The following RORA variants were observed in gnomAD, a reference collection of about 807,000 sequenced individuals.
RORA encodes RAR related orphan receptor A.
Under a neutral mutation model 69.5 loss-of-function variants are expected in RORA, and 7 were observed. That is an observed-to-expected ratio of 0.10 (90% CI 0.06 to 0.19). The LOEUF (loss-of-function observed/expected upper bound fraction) is 0.19. Ranked by LOEUF, RORA falls within the 10% of genes least tolerant of loss-of-function variation. RORA has a pLI of 1.00. For synonymous variants in RORA, 261 were observed against 240.8 expected, an observed-to-expected ratio of 1.08 and a Z score of -0.78; for missense variants, 457 against 663.0, an observed-to-expected ratio of 0.69 and a Z score of 3.41.
chr15:60,669,348 TTTG>T (rs1596111512), intron 2 of RORA, among the ~76,000 whole-genome samples: 4 of 145,712 alleles, frequency 2.7e-5, no homozygotes, highest in East Asian at 4.0e-4. Context: ...TTTTTGTTTG[TTTG>T]TTTGTTTGTT....
At chr15:60,634,323 C>T (rs2028123) in intron 2 of RORA, among the ~76,000 whole-genome samples, 1 of 152,144 alleles carries the variant, frequency 6.6e-6, no homozygotes, top group Non-Finnish European at 1.5e-5. Flanking sequence ...TGTCCAGCCT[C>T]TCTCAGTGAC....
At chr15:60,646,401 G>T (rs1459031371) in intron 2 of RORA, among the ~76,000 whole-genome samples, 5 of 152,096 alleles carry the variant, frequency 3.3e-5, no homozygotes, top group Admixed American at 2.0e-4. Flanking sequence ...CTCTATTACA[G>T]CCTGTATCAC....
rs1249813489 is a variant in RORA, at chr15:60,752,055, T to C, written c.167-73369A>G. 2.6e-5 allele frequency among the ~76,000 whole-genome samples: 4 copies of C among 151,842 alleles called. No individual in the cohort carries two copies. The East Asian group carries it at 7.8e-4, about 29-fold the overall frequency. ...CCATCAATAAGGAGGTGGAGAAGGA[T>C]CATCCGAGCTAGGCTGAGTCTTCTT... On this transcript the variant is annotated intron_variant, in intron 1 of 10. Coordinates refer to ENST00000335670, the MANE Select transcript of RORA (RefSeq NM_134261.3).
chr15:60,772,736 A>C (rs1057301414), intron 1 of RORA, among the ~76,000 whole-genome samples: 2 of 152,186 alleles, frequency 1.3e-5, no homozygotes, highest in Non-Finnish European at 1.5e-5. Flanking sequence ...GGGCCGTCCT[A>C]GCCCAGACTG....
intron 1 of RORA, among the ~76,000 whole-genome samples, chr15:61,158,179 T>C (rs2079462333): frequency 6.6e-6 from 1 of 152,180 alleles, no homozygotes; most frequent in Non-Finnish European, 1.5e-5. Flanking sequence ...GATGAGCAAT[T>C]CCATCCTGAC....
chr15:60,561,617 G>A (rs2067563115), intron 2 of RORA, among the ~76,000 whole-genome samples: 2 of 152,074 alleles, frequency 1.3e-5, no homozygotes, highest in Non-Finnish European at 2.9e-5. Context: ...CTTCCATAAT[G>A]TAATAGATTC....
chr15:61,067,003 C>G (rs1490956953), intron 1 of RORA, among the ~76,000 whole-genome samples: 2 of 151,822 alleles, frequency 1.3e-5, no homozygotes, highest in Admixed American at 1.3e-4. Context: ...TGGCTGTAAC[C>G]CTGATTTCAA....
At chr15:60,667,760 T>TA (rs1567148036) in intron 2 of RORA, among the ~76,000 whole-genome samples, 1 of 151,974 alleles carries the variant, frequency 6.6e-6, no homozygotes, top group Non-Finnish European at 1.5e-5. Context: ...GCTGGGACTA[T>TA]AGGCATGCAC....
intron 1 of RORA, among the ~76,000 whole-genome samples, chr15:60,910,463 A>T (rs1465900577): frequency 6.6e-6 from 1 of 152,238 alleles, no homozygotes; most frequent in East Asian, 1.9e-4. Flanking sequence ...AGATCAAGTA[A>T]ATAGAGTAGA....
At chr15:61,040,705 C>A (rs1311632902) in intron 1 of RORA, among the ~76,000 whole-genome samples, 1 of 152,034 alleles carries the variant, frequency 6.6e-6, no homozygotes, top group Non-Finnish European at 1.5e-5. Flanking sequence ...TAAAAATATT[C>A]ATCGAATAAA....
chr15:61,179,927 A>G, intron 1 of RORA, among the ~76,000 whole-genome samples: 1 of 151,956 alleles, frequency 6.6e-6, no homozygotes, highest in Non-Finnish European at 1.5e-5. Context: ...ACCTGAGGTC[A>G]GGAGTTCGAG....
intron 1 of RORA, among the ~76,000 whole-genome samples, chr15:60,812,230 G>A (rs2072754350): frequency 6.6e-6 from 1 of 152,186 alleles, no homozygotes; most frequent in African/African-American, 2.4e-5. Flanking sequence ...AAAGCAAGGT[G>A]CGGTGCCTCA....
chr15:61,036,828 C>T (rs1164452281), intron 1 of RORA, among the ~76,000 whole-genome samples: 1 of 148,870 alleles, frequency 6.7e-6, no homozygotes, highest in African/African-American at 2.5e-5. Flanking sequence ...GCCCTTCTCC[C>T]AAAACAAGAA....
chr15:61,207,941 G>A (rs888865484), intron 1 of RORA, among the ~76,000 whole-genome samples: 3 of 152,220 alleles, frequency 2.0e-5, no homozygotes, highest in African/African-American at 4.8e-5. Flanking sequence ...ATTACTGATA[G>A]TTACTACATA....
intron 2 of RORA, among the ~76,000 whole-genome samples, chr15:60,602,355 C>G (rs1327226863): frequency 6.6e-6 from 1 of 152,144 alleles, no homozygotes; most frequent in East Asian, 1.9e-4. Context: ...CATATTTGCT[C>G]TGTTGTCTTG....
intron 1 of RORA, among the ~76,000 whole-genome samples, chr15:61,054,281 G>A (rs547237510): frequency 6.6e-6 from 1 of 150,510 alleles, no homozygotes; most frequent in African/African-American, 2.4e-5. Context: ...GAATAAGATG[G>A]GAAACTAAAC....
At chr15:60,641,534 C>G (rs56285225) in intron 2 of RORA, among the ~76,000 whole-genome samples, 2 of 152,086 alleles carry the variant, frequency 1.3e-5, no homozygotes, top group Non-Finnish European at 1.5e-5. Context: ...CTCAGCCTCT[C>G]GAGTAGCTGG....
chr15:61,208,176 T>C (rs1382700145), intron 1 of RORA, among the ~76,000 whole-genome samples: 1 of 152,148 alleles, frequency 6.6e-6, no homozygotes, highest in Non-Finnish European at 1.5e-5. Context: ...GATGAATGAA[T>C]AAACAAAATG....
chr15:61,181,624 A>G (rs1030333078), intron 1 of RORA, among the ~76,000 whole-genome samples: 16 of 151,294 alleles, frequency 1.1e-4, no homozygotes, highest in African/African-American at 3.9e-4. Context: ...GCAAAGAACA[A>G]GCATTGTCAT....
Sources: allele counts gnomAD v4.1 joint callset (sites outside exome capture counted in the v4.1 genomes callset), GRCh38; gene constraint gnomAD v4.1.1; transcripts MANE v1.5; gene names NCBI Gene and HGNC (gene_info 2026-07-23, HGNC 2026-07-21).